Variants in OR1B1 observed in about 807,000 individuals in gnomAD.
The protein encoded by OR1B1 is olfactory receptor family 1 subfamily B member 1.
For missense variants in OR1B1, 414 were observed against 402.1 expected (o/e 1.03, Z -0.25); for synonymous variants, 168 against 156.2 (o/e 1.08, Z -0.57).
chr9:122,642,319 G>T, the OR1B1 span, among the ~76,000 whole-genome samples: 11 of 152,108 alleles, frequency 7.2e-5, no homozygotes, highest in African/African-American at 2.7e-4. Context: ...GAGAATGAAG[G>T]CTAGTTCCCC....
chr9:122,641,703 T>C, the OR1B1 span, among the ~76,000 whole-genome samples: 1 of 152,200 alleles, frequency 6.6e-6, no homozygotes, highest in Non-Finnish European at 1.5e-5. Context: ...GTGACTATAG[T>C]TATCAACAAT....
At chr9:122,649,493 A>T in the OR1B1 span, among the ~76,000 whole-genome samples, 1 of 152,254 alleles carries the variant, frequency 6.6e-6, no homozygotes, top group Admixed American at 6.5e-5. Context: ...AAAATTTTGC[A>T]ATCTATCCAT....
chr9:122,640,152 A>G, the OR1B1 span, among the ~76,000 whole-genome samples: 1 of 151,994 alleles, frequency 6.6e-6, no homozygotes, highest in Non-Finnish European at 1.5e-5. Flanking sequence ...ACCCTTCTTC[A>G]TTTTCCTTCT....
At chr9:122,641,782 G>A in the OR1B1 span, among the ~76,000 whole-genome samples, 11 of 152,276 alleles carry the variant, frequency 7.2e-5, no homozygotes, top group East Asian at 1.2e-3. Context: ...GTGAGATAAT[G>A]CACGTGTTAA....
At chr9:122,628,460 A>C (rs1432891735), downstream of OR1B1, 4 of 684,910 alleles carry the variant, frequency 5.8e-6, no homozygotes, top group Non-Finnish European at 1.0e-5. Flanking sequence ...ACAAGAGCCA[A>C]ATCTGGAGTT....
chr9:122,643,560 G>C, the OR1B1 span, among the ~76,000 whole-genome samples: 1 of 152,202 alleles, frequency 6.6e-6, no homozygotes, highest in Non-Finnish European at 1.5e-5. Context: ...GCAATTCCTA[G>C]GCAACTCCTA....
chr9:122,642,527 G>A, the OR1B1 span, among the ~76,000 whole-genome samples: 6 of 151,826 alleles, frequency 4.0e-5, no homozygotes, highest in Non-Finnish European at 7.4e-5. Flanking sequence ...AGAGCCACCT[G>A]GGGGGAGGTC....
the OR1B1 span, among the ~76,000 whole-genome samples, chr9:122,646,087 G>T: frequency 6.6e-6 from 1 of 151,994 alleles, no homozygotes; most frequent in African/African-American, 2.4e-5. Context: ...TGCTTTTTGT[G>T]TGTTTGTTTA....
chr9:122,654,254 GC>G, the OR1B1 span, among the ~76,000 whole-genome samples: 1 of 152,168 alleles, frequency 6.6e-6, no homozygotes, highest in Non-Finnish European at 1.5e-5. Flanking sequence ...AGTTTTATTA[GC>G]CCTACTTTCC....
the OR1B1 span, among the ~76,000 whole-genome samples, chr9:122,653,059 C>T: frequency 6.6e-6 from 1 of 152,194 alleles, no homozygotes; most frequent in Admixed American, 6.5e-5. Context: ...GACTTGGCAT[C>T]AGCCCAAGAT....
chr9:122,630,225 C>T (rs930608157), upstream of OR1B1, among the ~76,000 whole-genome samples: 1 of 152,158 alleles, frequency 6.6e-6, no homozygotes, highest in African/African-American at 2.4e-5. Flanking sequence ...TTTAGAAAAA[C>T]CTAAAGACCC....
chr9:122,652,937 G>C, the OR1B1 span, among the ~76,000 whole-genome samples: 183 of 152,280 alleles, frequency 1.2e-3, 1 homozygote, highest in African/African-American at 4.0e-3. Context: ...TCCAAGCTAA[G>C]GGTGCCTGTG....
chr9:122,646,745 A>G, the OR1B1 span, among the ~76,000 whole-genome samples: 1 of 152,160 alleles, frequency 6.6e-6, no homozygotes, highest in Non-Finnish European at 1.5e-5. Flanking sequence ...TTCCACTGCA[A>G]TAACAGCTGG....
chr9:122,630,957 C>T (rs138074291), upstream of OR1B1, among the ~76,000 whole-genome samples: 7,435 of 152,180 alleles, frequency 0.049, 270 homozygotes, highest in South Asian at 0.12. Flanking sequence ...CCAACCATCT[C>T]GGCCTCCCAA....
upstream of OR1B1, among the ~76,000 whole-genome samples, chr9:122,633,152 C>T (rs1379469638): frequency 6.6e-6 from 1 of 152,096 alleles, no homozygotes; most frequent in African/African-American, 2.4e-5. Flanking sequence ...TGGGTGGGGA[C>T]ACAGCCAAAC....
At chr9:122,637,638 GCTTT>G in the OR1B1 span, among the ~76,000 whole-genome samples, 1 of 152,104 alleles carries the variant, frequency 6.6e-6, no homozygotes, top group Non-Finnish European at 1.5e-5. Flanking sequence ...CTTCCCTCAA[GCTTT>G]CTTTAAGGCC....
upstream of OR1B1, among the ~76,000 whole-genome samples, chr9:122,630,026 C>T (rs900760266): frequency 6.6e-6 from 1 of 152,140 alleles, no homozygotes; most frequent in Non-Finnish European, 1.5e-5. Flanking sequence ...ACAATTCTTT[C>T]GACATAGCTG....
At chr9:122,655,210 G>C in the OR1B1 span, among the ~76,000 whole-genome samples, 1 of 152,114 alleles carries the variant, frequency 6.6e-6, no homozygotes, top group African/African-American at 2.4e-5. Flanking sequence ...GTGATGAGGG[G>C]TCAAAGAGGA....
the OR1B1 span, among the ~76,000 whole-genome samples, chr9:122,648,381 A>G: frequency 1.3e-5 from 2 of 152,232 alleles, no homozygotes; most frequent in African/African-American, 4.8e-5. Context: ...AAAACACTAA[A>G]TAAACATGGT....
Sources: allele counts gnomAD v4.1 joint callset (sites outside exome capture counted in the v4.1 genomes callset), GRCh38; gene constraint gnomAD v4.1.1; transcripts MANE v1.5; gene names NCBI Gene and HGNC (gene_info 2026-07-23, HGNC 2026-07-21).